Variants in SSBP2 observed in about 807,000 individuals in gnomAD.
The protein encoded by SSBP2 is single stranded DNA binding protein 2.
A neutral mutation model predicts 61.8 loss-of-function variants in SSBP2; 17 were observed. The ratio of observed to expected loss-of-function variants is 0.28; its 90% CI spans 0.19 to 0.41. The LOEUF is 0.41. Ranked by LOEUF, SSBP2 falls within the 10% of genes least tolerant of loss-of-function variation. The pLI, the probability that SSBP2 is intolerant of heterozygous loss-of-function variation, is 1.00. For synonymous variants in SSBP2, 139 were observed against 141.3 expected, an observed-to-expected ratio of 0.98 and a Z score of 0.12; for missense variants, 310 against 458.7, an observed-to-expected ratio of 0.68 and a Z score of 2.96.
intron 5 of SSBP2, among the ~76,000 whole-genome samples, chr5:81,493,259 T>A (rs1230658790): frequency 9.8e-6 from 1 of 102,128 alleles, no homozygotes; most frequent in African/African-American, 3.5e-5. Flanking sequence ...AACAGATAGA[T>A]AGATAGATAG....
At chr5:81,477,295 C>A (rs147112402) in intron 6 of SSBP2, among the ~76,000 whole-genome samples, 21 of 152,236 alleles carry the variant, frequency 1.4e-4, no homozygotes, top group African/African-American at 5.1e-4. Flanking sequence ...CATATATGCA[C>A]ACGCATGGAT....
chr5:81,668,839 A>C (rs1405006210), intron 1 of SSBP2, among the ~76,000 whole-genome samples: 1 of 152,132 alleles, frequency 6.6e-6, no homozygotes, highest in African/African-American at 2.4e-5. Flanking sequence ...AAAGACAGAA[A>C]AGAAAATTAT....
At chr5:81,502,242 T>G (rs1217305671) in intron 5 of SSBP2, among the ~76,000 whole-genome samples, 2 of 152,188 alleles carry the variant, frequency 1.3e-5, no homozygotes, top group Non-Finnish European at 2.9e-5. Flanking sequence ...ATTGACTAAT[T>G]TGACCTATCA....
At chr5:81,534,196 T>C (rs1770633086) in intron 4 of SSBP2, among the ~76,000 whole-genome samples, 1 of 151,876 alleles carries the variant, frequency 6.6e-6, no homozygotes, top group Non-Finnish European at 1.5e-5. Flanking sequence ...AAACACTGAG[T>C]CCTAATCATA....
intron 8 of SSBP2, among the ~76,000 whole-genome samples, chr5:81,472,061 A>G (rs1765283764): frequency 6.6e-6 from 1 of 152,140 alleles, no homozygotes; most frequent in South Asian, 2.1e-4. Flanking sequence ...TAACTTTTAA[A>G]AAGTAGATAT....
chr5:81,525,437 G>T (rs1279705375), intron 4 of SSBP2, among the ~76,000 whole-genome samples: 1 of 151,906 alleles, frequency 6.6e-6, no homozygotes, highest in Admixed American at 6.6e-5. Context: ...TGTGGCATTT[G>T]ATTTTCCGTT....
At chr5:81,454,881 T>C (rs1001585180) in intron 10 of SSBP2, among the ~76,000 whole-genome samples, 4 of 152,042 alleles carry the variant, frequency 2.6e-5, no homozygotes, top group African/African-American at 7.3e-5. Flanking sequence ...TCTCTTCTTC[T>C]CCTCTGTAAA....
chr5:81,727,266 T>C (rs1320978535), intron 1 of SSBP2, among the ~76,000 whole-genome samples: 3 of 152,106 alleles, frequency 2.0e-5, no homozygotes, highest in Non-Finnish European at 4.4e-5. Flanking sequence ...ATGAAGAATA[T>C]GGGCCAGGTG....
At chr5:81,576,008 G>C (rs533605922) in intron 4 of SSBP2, among the ~76,000 whole-genome samples, 123 of 152,258 alleles carry the variant, frequency 8.1e-4, no homozygotes, top group Admixed American at 1.2e-3. Flanking sequence ...TTAGATGACA[G>C]AGATGCTTTA....
chr5:81,711,536 G>A lies in SSBP2; in HGVS notation c.62+39445C>T, dbSNP rs140735333. Among the ~76,000 whole-genome samples, 540 of 152,064 alleles carry A rather than the reference G, an allele frequency of 3.6e-3. 2 individuals are homozygous for A. Among genetic ancestry groups the A allele is most frequent in the African/African-American group, 0.012 (491 of 41,498 alleles). ...TCAGAAATATATCCATTGTATAAGA[G>A]GGAAAGAAGTTGAGCCTTTTAGGAC... On this transcript the variant is annotated intron_variant, in intron 1 of 16. Coordinates refer to ENST00000320672, the MANE Select transcript of SSBP2 (RefSeq NM_012446.5).
Position 81,489,125 on chromosome 5 carries a change from A to C in SSBP2, c.432+125T>G. 12 of 863,984 alleles carry C rather than the reference A, an allele frequency of 1.4e-5. 1 individual carries two copies. In the South Asian group the frequency reaches 1.8e-4, roughly 13 times the overall value. The allele number at this position is 863,984 out of a possible 1,614,324, so 53.5% of individuals were successfully genotyped here. ...TGTAGTTTGCCAACCCTTGAAGCAG[A>C]CTAGAAATAGCATTAAATGGGACAG... On this transcript the variant is annotated intron_variant, in intron 6 of 16. Coordinates refer to ENST00000320672, the MANE Select transcript of SSBP2 (RefSeq NM_012446.5).
chr5:81,638,510 C>T (rs1748461074), intron 2 of SSBP2, among the ~76,000 whole-genome samples: 1 of 150,632 alleles, frequency 6.6e-6, no homozygotes, highest in Admixed American at 6.6e-5. Context: ...CAGAGCAAGA[C>T]TCCGTCTCAG....
At chr5:81,523,220 A>G (rs1319901593) in intron 4 of SSBP2, among the ~76,000 whole-genome samples, 2 of 152,080 alleles carry the variant, frequency 1.3e-5, no homozygotes, top group African/African-American at 2.4e-5. Context: ...AGAAGTGCAA[A>G]AGGACTCTGA....
At chr5:81,695,869 A>G (rs2153854490) in intron 1 of SSBP2, among the ~76,000 whole-genome samples, 1 of 152,204 alleles carries the variant, frequency 6.6e-6, no homozygotes, top group East Asian at 1.9e-4. Context: ...TAATAATATA[A>G]TTTTTATCTT....
chr5:81,667,089 C>T (rs1333480316), intron 1 of SSBP2, among the ~76,000 whole-genome samples: 2 of 148,180 alleles, frequency 1.3e-5, no homozygotes, highest in East Asian at 1.9e-4. Context: ...CCCAGCAATA[C>T]CTTGATGAAA....
At chr5:81,561,725 G>A (rs1773055117) in intron 4 of SSBP2, among the ~76,000 whole-genome samples, 1 of 152,004 alleles carries the variant, frequency 6.6e-6, no homozygotes, top group African/African-American at 2.4e-5. Context: ...GCCCCACAGA[G>A]TAGAATTGCA....
intron 15 of SSBP2, among the ~76,000 whole-genome samples, chr5:81,429,163 T>A (rs1317739791): frequency 1.3e-5 from 2 of 152,150 alleles, no homozygotes; most frequent in African/African-American, 2.4e-5. Context: ...TTTCAACCAT[T>A]TTTACATGAA....
intron 3 of SSBP2, among the ~76,000 whole-genome samples, chr5:81,622,610 A>G (rs1030641390): frequency 1.3e-5 from 2 of 152,218 alleles, no homozygotes; most frequent in Admixed American, 6.5e-5. Context: ...AATGTTATCA[A>G]TAATATCATC....
chr5:81,622,199 TG>T (rs1039055278), intron 3 of SSBP2, among the ~76,000 whole-genome samples: 2 of 151,458 alleles, frequency 1.3e-5, no homozygotes, highest in South Asian at 2.1e-4. Flanking sequence ...TGAAGCAGAC[TG>T]GGGGGGAAAA....
Sources: allele counts gnomAD v4.1 joint callset (sites outside exome capture counted in the v4.1 genomes callset), GRCh38; gene constraint gnomAD v4.1.1; transcripts MANE v1.5; gene names NCBI Gene and HGNC (gene_info 2026-07-23, HGNC 2026-07-21).